Variants in DYNC2I2 observed in about 807,000 individuals in gnomAD.
DYNC2I2 encodes the protein cytoplasmic dynein 2 intermediate chain 2.
In DYNC2I2, 39 loss-of-function variants were observed where a neutral mutation model predicts 52.0. That is an observed-to-expected ratio of 0.75 (90% CI 0.58 to 0.98). The LOEUF is 0.98. Among genes scored for constraint, DYNC2I2 ranks in the 50% least tolerant of loss-of-function variants. The probability of loss-of-function intolerance (pLI) is 0.00; values close to 1 mark genes in which losing one functional copy is unlikely to be tolerated. For missense variants in DYNC2I2, 743 were observed against 728.4 expected (o/e 1.02, Z -0.23); for synonymous variants, 359 against 321.1 (o/e 1.12, Z -1.26).
the DYNC2I2 span, chr9:128,683,851 CG>C: frequency 6.7e-7 from 1 of 1,485,550 alleles, no homozygotes; most frequent in Non-Finnish European, 9.1e-7. Context: ...TGCTTCCGGA[CG>C]GGCGAGGAGA....
chr9:128,668,089 TA>T, the DYNC2I2 span, among the ~76,000 whole-genome samples: 1 of 150,974 alleles, frequency 6.6e-6, no homozygotes, highest in Admixed American at 6.6e-5. Context: ...GCCTCCCGAG[TA>T]GCTGGGATTA....
At chr9:128,682,316 G>C in the DYNC2I2 span, among the ~76,000 whole-genome samples, 1 of 151,866 alleles carries the variant, frequency 6.6e-6, no homozygotes, top group Non-Finnish European at 1.5e-5. Context: ...CCAAAGTGCT[G>C]CGATTACAGG....
chr9:128,682,792 C>T, the DYNC2I2 span, among the ~76,000 whole-genome samples: 1 of 150,560 alleles, frequency 6.6e-6, no homozygotes, highest in African/African-American at 2.5e-5. Context: ...TCTCCTGCCT[C>T]AGCCTCGTGA....
the DYNC2I2 span, among the ~76,000 whole-genome samples, chr9:128,675,483 C>A: frequency 6.6e-6 from 1 of 151,940 alleles, no homozygotes; most frequent in African/African-American, 2.4e-5. Flanking sequence ...CCTGGCGGAG[C>A]CTTGATTCTT....
chr9:128,647,160 G>A (rs1439918434), intron 1 of DYNC2I2, among the ~76,000 whole-genome samples: 5 of 152,076 alleles, frequency 3.3e-5, no homozygotes, highest in African/African-American at 1.2e-4. Flanking sequence ...ACAATAATAT[G>A]GCACCTGCAA....
At chr9:128,635,573 G>A (rs1003713217) in intron 5 of DYNC2I2, 85 bp downstream of exon 5, 25 of 1,268,078 alleles carry the variant, frequency 2.0e-5, no homozygotes, top group Admixed American at 8.3e-5. Flanking sequence ...AACTGCCAAC[G>A]CCCGGGTGAC....
At chr9:128,649,037 G>A (rs964349514) in intron 1 of DYNC2I2, among the ~76,000 whole-genome samples, 9 of 152,124 alleles carry the variant, frequency 5.9e-5, no homozygotes, top group African/African-American at 1.9e-4. Context: ...GCTAAATCAC[G>A]GGAGACAGAC....
chr9:128,662,557 C>T, the DYNC2I2 span, among the ~76,000 whole-genome samples: 3,204 of 151,016 alleles, frequency 0.021, 70 homozygotes, highest in Non-Finnish European at 0.026. Flanking sequence ...ATTACAGGCA[C>T]CCGCCACCAT....
intron 1 of DYNC2I2, among the ~76,000 whole-genome samples, chr9:128,655,025 C>G (rs1860789688): frequency 6.6e-6 from 1 of 152,012 alleles, no homozygotes; most frequent in African/African-American, 2.4e-5. Context: ...TGATGAGTCC[C>G]CAACCCTTGA....
At chr9:128,677,571 G>C in the DYNC2I2 span, among the ~76,000 whole-genome samples, 1 of 151,964 alleles carries the variant, frequency 6.6e-6, no homozygotes, top group African/African-American at 2.4e-5. Flanking sequence ...GCTGAGGTGG[G>C]TGGATCACCT....
In DYNC2I2 at chr9:128,640,789, G is replaced by T. The variant is rs199920288; in HGVS notation, c.337C>A (p.Arg113=). Residue 113 remains arginine (R), a synonymous_variant, in exon 2 of 9, where the codon CGG becomes AGG. Transcript: ENST00000372715. ...CGGATGACCATGGCCTCCACTCTCCGAAGAAAGGCTGCGAGCCTGGGTATG... is the reference window on the plus strand; with the variant it reads ...CGGATGACCATGGCCTCCACTCTCCTAAGAAAGGCTGCGAGCCTGGGTATG... ...YDIPRLAAFL[R]RVEAMVIREL... The T allele has an allele frequency of 3.4e-5, 55 of 1,614,040 alleles. No individual in the cohort carries two copies. Among genetic ancestry groups the T allele is most frequent in the Non-Finnish European group, 4.4e-5 (52 of 1,180,044 alleles).
chr9:128,635,710 A>T lies in DYNC2I2; in HGVS notation c.761T>A (p.Leu254Gln). 6.2e-7 allele frequency: 1 copy of T among 1,613,114 alleles called. No individual in the cohort carries two copies. Among genetic ancestry groups the T allele is most frequent in the African/African-American group, 1.3e-5 (1 of 74,976 alleles). Residue 254 changes from leucine (L) to glutamine (Q), a missense_variant, in exon 5 of 9, where the codon CTG (leucine) becomes CAG (glutamine). Physicochemically the swap from Leu to Gln is moderately radical, Grantham distance 113. Coordinates refer to ENST00000372715, the MANE Select transcript of DYNC2I2 (RefSeq NM_052844.4). ...VWDLSRLEDP[L>Q]LWRTGLTDDT... is the part of the protein sequence containing the mutation. Reference sequence around the variant, plus strand: ...ATCCGTCAGGCCTGTGCGCCACAGCAGCGGGTCCTCAAGACGGCTCAGGTC... The same window carrying T: ...ATCCGTCAGGCCTGTGCGCCACAGCTGCGGGTCCTCAAGACGGCTCAGGTC...
In DYNC2I2 at chr9:128,634,934, GGCA is replaced by G; in HGVS notation, c.982-16_982-14del. 1 of 1,610,598 alleles carries G rather than the reference GGCA, an allele frequency of 6.2e-7. No homozygotes were observed. The highest frequency in any genetic ancestry group is 8.5e-7 in the Non-Finnish European group (1 of 1,178,870). On this transcript the variant is annotated splice_polypyrimidine_tract_variant and intron_variant, in intron 6 of 8. Coordinates refer to ENST00000372715, the MANE Select transcript of DYNC2I2 (RefSeq NM_052844.4). ...CCCCGCGGGGATGCTGTGGAGAAAT[GGCA>G]GCAGCAGGGTCAGAGCCAAGGGCAT...
chr9:128,639,856 A>C (rs1047059579), intron 2 of DYNC2I2, among the ~76,000 whole-genome samples: 1 of 151,040 alleles, frequency 6.6e-6, no homozygotes, highest in Non-Finnish European at 1.5e-5. Flanking sequence ...AGTAGAGAGG[A>C]GGTTTCACTA....
chr9:128,678,403 A>T, the DYNC2I2 span, among the ~76,000 whole-genome samples: 1 of 143,950 alleles, frequency 6.9e-6, no homozygotes. Flanking sequence ...GTGCAAAAAA[A>T]CTTAATTTTT....
intron 8 of DYNC2I2, 113 bp downstream of exon 8, chr9:128,634,113 A>G: frequency 6.4e-7 from 1 of 1,561,990 alleles, no homozygotes. Context: ...TGCTGGAGGG[A>G]AGCCGTCCTT....
At chr9:128,639,932 C>T (rs1860479875) in intron 2 of DYNC2I2, among the ~76,000 whole-genome samples, 1 of 151,720 alleles carries the variant, frequency 6.6e-6, no homozygotes, top group African/African-American at 2.4e-5. Flanking sequence ...TCCCAAAGTG[C>T]TGGGATTACA....
At chr9:128,634,647 G>A in intron 7 of DYNC2I2, 42 bp downstream of exon 7, 1 of 1,483,114 alleles carries the variant, frequency 6.7e-7, no homozygotes, top group Non-Finnish European at 9.0e-7. Flanking sequence ...CGCAGGGCAG[G>A]GACACCCTGG....
rs1860323585 is a variant in DYNC2I2 at position 128,634,458 on chromosome 9, C to A, written c.1215-75G>T. 6 of 1,504,100 alleles carry A rather than the reference C, an allele frequency of 4.0e-6. No homozygotes were observed. The East Asian group carries it at 1.4e-4, about 34-fold the overall frequency. 93.2% of individuals were successfully genotyped at this position (1,504,100 alleles called of 1,614,324 possible). On this transcript the variant is annotated intron_variant, in intron 7 of 8. Coordinates refer to ENST00000372715, the MANE Select transcript of DYNC2I2 (RefSeq NM_052844.4). ...GTGGTGCTGGCCCCCAACACCAGAC[C>A]CCTCCTGGGCTGCCAGGCTCGTGAA... is the stretch of plus-strand genomic sequence containing the variant.
Sources: allele counts gnomAD v4.1 joint callset (sites outside exome capture counted in the v4.1 genomes callset), GRCh38; gene constraint gnomAD v4.1.1; transcripts MANE v1.5; gene names NCBI Gene and HGNC (gene_info 2026-07-23, HGNC 2026-07-21).